The following ARHGAP33 variants were observed in gnomAD, a reference collection of about 807,000 sequenced individuals.
The protein encoded by ARHGAP33 is rho GTPase-activating protein 33.
A neutral mutation model predicts 126.2 loss-of-function variants in ARHGAP33; 57 were observed. The ratio of observed to expected loss-of-function variants is 0.45; its 90% CI spans 0.36 to 0.56. The LOEUF (loss-of-function observed/expected upper bound fraction) is 0.56. Among genes scored for constraint, ARHGAP33 ranks in the 20% least tolerant of loss-of-function variants. The pLI is 0.00. For synonymous variants in ARHGAP33, 711 were observed against 755.0 expected, an observed-to-expected ratio of 0.94 and a Z score of 0.95; for missense variants, 1,500 against 1,748.3, an observed-to-expected ratio of 0.86 and a Z score of 2.53.
intron 15 of ARHGAP33, among the ~76,000 whole-genome samples, chr19:35,783,608 G>GA (rs1398093441): frequency 1.3e-5 from 2 of 152,110 alleles, no homozygotes; most frequent in African/African-American, 4.8e-5. Flanking sequence ...GGTGTGGCTG[G>GA]AGCTGAGTGA....
At position 35,785,352 on chromosome 19, in the gene ARHGAP33, G is replaced by T; in HGVS notation, c.1867+18G>T. On this transcript the variant is annotated intron_variant, in intron 18 of 20. Transcript: ENST00000007510. The stretch of plus-strand genomic sequence containing the variant: ...GCCTTCAGGTGAGAGGCTGAGCCAT[G>T]GGCTGGTGGGCAGCGATGGTCGCTG... The T allele has an allele frequency of 1.2e-6, 2 of 1,613,942 alleles. No individual in the cohort carries two copies. Among genetic ancestry groups the T allele is most frequent in the Non-Finnish European group, 1.7e-6 (2 of 1,179,848 alleles).
chr19:35,781,730 G>T (rs1971793120), intron 12 of ARHGAP33, among the ~76,000 whole-genome samples: 2 of 152,198 alleles, frequency 1.3e-5, no homozygotes, highest in South Asian at 4.1e-4. Flanking sequence ...GCAGGGCAAA[G>T]GGAACAGCAA....
intron 1 of ARHGAP33, among the ~76,000 whole-genome samples, chr19:35,776,451 G>C (rs952709388): frequency 8.5e-5 from 13 of 152,270 alleles, no homozygotes; most frequent in Admixed American, 8.5e-4. Flanking sequence ...TCCTGCCTTG[G>C]GGAACCTTAT....
chr19:35,780,665 G>T lies in ARHGAP33; in HGVS notation c.769+17G>T, dbSNP rs986456412. ...TGAAGGCGGGTAAGTGCCATGGATG[G>T]ATGGGAGGTGTGGGGAGGGGTGGGA... On this transcript the variant is annotated intron_variant, in intron 9 of 20. Transcript: ENST00000007510. 20 of 1,092,574 alleles carry T rather than the reference G, an allele frequency of 1.8e-5. No individual in the cohort carries two copies. In the African/African-American group the frequency reaches 3.3e-4, roughly 18 times the overall value. The allele number at this position is 1,092,574 out of a possible 1,614,324, so 67.7% of individuals were successfully genotyped here. A position where few individuals can be genotyped will look rare whatever the true frequency, so the allele number is the denominator to read the frequency against.
chr19:35,780,143 G>A (rs1971677749), intron 6 of ARHGAP33, 68 bp from the exon 7 acceptor site: 7 of 1,588,042 alleles, frequency 4.4e-6, no homozygotes, highest in East Asian at 2.2e-5. Flanking sequence ...CCAGCGCGGA[G>A]GAGCTTGGTA....
Position 35,787,821 on chromosome 19 carries a change from T to C in ARHGAP33, c.3256T>C (p.Tyr1086His). Residue 1086 changes from tyrosine (Y) to histidine (H), a missense_variant, in exon 21 of 21, where the codon TAC (tyrosine) becomes CAC (histidine). This residue lies in a region of ARHGAP33 where 642 missense variants were observed against 634.0 expected (regional missense o/e 1.01). Coordinates refer to ENST00000007510, the MANE Select transcript of ARHGAP33 (RefSeq NM_001366178.1). The stretch of plus-strand genomic sequence containing the variant: ...ACCACTCGACAGGGGAGAGAACCTG[T>C]ACTATGAGATCGGGGCAAGTGAGGG... ...PAPLDRGENL[Y>H]YEIGASEGSP... 1 of 1,606,450 alleles carries C rather than the reference T, an allele frequency of 6.2e-7. No individual in the cohort carries two copies. Among genetic ancestry groups the C allele is most frequent in the African/African-American group, 1.3e-5 (1 of 74,498 alleles).
chr19:35,776,719 G>A (rs1971477825), intron 1 of ARHGAP33, among the ~76,000 whole-genome samples: 1 of 152,216 alleles, frequency 6.6e-6, no homozygotes, highest in Non-Finnish European at 1.5e-5. Flanking sequence ...CCCTCCTTCT[G>A]GGAGGCCGGT....
chr19:35,788,175 C>T lies in ARHGAP33; in HGVS notation c.3610C>T (p.Pro1204Ser). 6.2e-7 allele frequency: 1 copy of T among 1,608,728 alleles called. No individual in the cohort carries two copies. The highest frequency in any genetic ancestry group is 1.1e-5 in the South Asian group (1 of 90,920). Residue 1204 changes from proline to serine, a missense_variant, in exon 21 of 21, where the codon CCC (proline) becomes TCC (serine). By Grantham distance (74) the Pro-to-Ser change is moderately conservative. Transcript: ENST00000007510. ...CCGTTCAGATCCCGGTCCCCCAGTCCCCCGCCTTCCCCAGAAACAACGGGC... is the reference window on the plus strand; with the variant it reads ...CCGTTCAGATCCCGGTCCCCCAGTCTCCCGCCTTCCCCAGAAACAACGGGC... ...RSRSDPGPPV[P>S]RLPQKQRAPW...
intron 1 of ARHGAP33, among the ~76,000 whole-genome samples, chr19:35,775,903 T>A (rs1301551453): frequency 1.3e-5 from 2 of 151,808 alleles, no homozygotes; most frequent in Non-Finnish European, 2.9e-5. Context: ...GGGCCTGGGC[T>A]GGGAGGAGGC....
chr19:35,783,009 T>C, intron 15 of ARHGAP33, 140 bp downstream of exon 15: 4 of 711,174 alleles, frequency 5.6e-6, no homozygotes, highest in South Asian at 1.8e-5. Flanking sequence ...TCCCTAGCAC[T>C]GGGGACCCAG....
Position 35,786,083 on chromosome 19 carries a change from G to A in ARHGAP33, c.1943-330G>A. ...TCCACCCCACCCAGCCGTGCCTCTG[G>A]GGGCTCTTCTGAGCCACCGCGCCAT... On this transcript the variant is annotated intron_variant, in intron 19 of 20. Transcript: ENST00000007510. The surrounding 1 kb of genome is among the most constrained non-coding windows in gnomAD (Gnocchi z 7.0). The A allele has an allele frequency of 8.3e-7, 1 of 1,207,386 alleles. No individual in the cohort carries two copies. Among genetic ancestry groups the A allele is most frequent in the Non-Finnish European group, 1.0e-6 (1 of 969,618 alleles). 74.8% of individuals were successfully genotyped at this position (1,207,386 alleles called of 1,614,324 possible). A position where few individuals can be genotyped will look rare whatever the true frequency, so the allele number is the denominator to read the frequency against.
At position 35,780,971 on chromosome 19, in the gene ARHGAP33, G is replaced by T; in HGVS notation, c.881G>T (p.Arg294Leu). The T allele has an allele frequency of 6.2e-7, 1 of 1,610,312 alleles. No homozygotes were observed. Residue 294 changes from arginine (R) to leucine (L), a missense_variant, in exon 11 of 21, where the codon CGC becomes CTC. Physicochemically the swap from Arg to Leu is moderately radical, Grantham distance 102 (BLOSUM62 -2). Transcript: ENST00000007510. ...GCCGGCCTGCTCCGCACCTTCATGCGCTCCCGCCCTTCTCGGCAGCGGCTG... is the reference window on the plus strand; with the variant it reads ...GCCGGCCTGCTCCGCACCTTCATGCTCTCCCGCCCTTCTCGGCAGCGGCTG... ...KLAGLLRTFM[R>L]SRPSRQRLRQ...
At position 35,777,566 on chromosome 19, in the gene ARHGAP33, C is replaced by G. The variant is rs765519616; in HGVS notation, c.7-79C>G. 9 of 1,239,464 alleles carry G rather than the reference C, an allele frequency of 7.3e-6. 1 individual carries two copies. The South Asian group carries it at 1.0e-4, about 14-fold the overall frequency. The allele number at this position is 1,239,464 out of a possible 1,614,324, so 76.8% of individuals were successfully genotyped here. ...TGTGTGGAGCGCCCGGGGCTCTGGA[C>G]CCGCGCTGCCAGATAACAATGCTCT... On this transcript the variant is annotated intron_variant, in intron 1 of 20. Transcript: ENST00000007510.
chr19:35,780,766 G>T lies in ARHGAP33; in HGVS notation c.779G>T (p.Gly260Val). The T allele has an allele frequency of 6.2e-7, 1 of 1,613,778 alleles. No individual in the cohort carries two copies. ...PGPGLKADAD[G>V]PPCGIPAPQG... ...ATTTTTCGCCTAGCAGATGCCGATG[G>T]CCCCCCATGTGGCATCCCGGCTCCC... is the stretch of plus-strand genomic sequence containing the variant. The change falls in exon 10 of 21, where the codon GGC becomes GTC. Residue 260 changes from glycine to valine, a missense_variant. This residue lies in a region of ARHGAP33 where 281 missense variants were observed against 413.7 expected (regional missense o/e 0.68). Coordinates refer to ENST00000007510, the MANE Select transcript of ARHGAP33 (RefSeq NM_001366178.1).
In ARHGAP33 at chr19:35,787,647, C is replaced by T; in HGVS notation, c.3082C>T (p.Pro1028Ser). The T allele has an allele frequency of 6.3e-7, 1 of 1,592,122 alleles. No homozygotes were observed. ...CCCATGTTCTGTCCCCTCACAGGTT[C>T]CTACCCCCGGCTTCTTCTCCCCAGC... The part of the protein sequence containing the change: ...QSPCSVPSQV[P>S]TPGFFSPAPR... Residue 1028 changes from proline (P) to serine (S), a missense_variant, in exon 21 of 21, where the codon CCT (proline) becomes TCT (serine). Transcript: ENST00000007510.
At position 35,782,269 on chromosome 19, in the gene ARHGAP33, T is replaced by G; in HGVS notation, c.1086-104T>G. On this transcript the variant is annotated intron_variant, in intron 12 of 20. Coordinates refer to ENST00000007510, the MANE Select transcript of ARHGAP33 (RefSeq NM_001366178.1). The surrounding 1 kb of genome is among the most constrained non-coding windows in gnomAD (Gnocchi z 4.1). Reference sequence around the variant, plus strand: ...CAGTGTAGGACCTGGGGAAGAGGGTTCCATCCACCTGCGGGCACTTGGGGG... The same window carrying G: ...CAGTGTAGGACCTGGGGAAGAGGGTGCCATCCACCTGCGGGCACTTGGGGG... 7.5e-7 allele frequency: 1 copy of G among 1,342,212 alleles called. No homozygotes were observed. Among genetic ancestry groups the G allele is most frequent in the Non-Finnish European group, 1.0e-6 (1 of 966,086 alleles). 83.1% of individuals were successfully genotyped at this position (1,342,212 alleles called of 1,614,324 possible).
At chr19:35,784,126 G>C in intron 15 of ARHGAP33, 46 bp from the exon 16 acceptor site, 1 of 1,560,086 alleles carries the variant, frequency 6.4e-7, no homozygotes, top group Non-Finnish European at 8.7e-7. Flanking sequence ...AGAACCTGCT[G>C]GCTGGGCTCA....
intron 1 of ARHGAP33, among the ~76,000 whole-genome samples, chr19:35,777,368 G>A (rs530938763): frequency 3.7e-4 from 57 of 152,220 alleles, no homozygotes; most frequent in African/African-American, 1.3e-3. Context: ...GCTACGGAAG[G>A]GTTTTCAGCA....
At chr19:35,785,643 G>A (rs2146742686) in intron 19 of ARHGAP33, 160 bp downstream of exon 19, 9 of 1,443,874 alleles carry the variant, frequency 6.2e-6, no homozygotes, top group African/African-American at 1.4e-5. Context: ...GTTGGATACA[G>A]TATCACCTTT....
Sources: allele counts gnomAD v4.1 joint callset (sites outside exome capture counted in the v4.1 genomes callset), GRCh38; gene constraint gnomAD v4.1.1; regional missense constraint gnomAD v4.1.1; non-coding constraint Gnocchi (gnomAD v3.1); transcripts MANE v1.5; gene names NCBI Gene and HGNC (gene_info 2026-07-23, HGNC 2026-07-21).